The following SRSF7 variants were observed in gnomAD, a reference collection of about 807,000 sequenced individuals.
SRSF7 encodes serine and arginine rich splicing factor 7, also known as serine/arginine-rich splicing factor 7.
In SRSF7, 15 loss-of-function variants were observed where a neutral mutation model predicts 42.2. The ratio of observed to expected loss-of-function variants is 0.36; its 90% CI spans 0.24 to 0.55. The LOEUF (loss-of-function observed/expected upper bound fraction) is 0.55. Ranked by LOEUF, SRSF7 falls within the 20% of genes least tolerant of loss-of-function variation. The pLI is 0.88. For missense variants in SRSF7, 181 were observed against 305.9 expected, an observed-to-expected ratio of 0.59 and a Z score of 3.04; for synonymous variants, 138 against 107.9, an observed-to-expected ratio of 1.28 and a Z score of -1.73.
chr2:38,743,874 CCTAGG>C lies in SRSF7; in HGVS notation c.*1254_*1258del. 7 of 150,946 alleles carry C rather than the reference CCTAGG, an allele frequency of 4.6e-5. No individual in the cohort carries two copies. The highest frequency in any genetic ancestry group is 6.7e-5 in the Admixed American group (1 of 14,990). 9.4% of individuals were successfully genotyped at this position (150,946 alleles called of 1,614,324 possible). A position where few individuals can be genotyped will look rare whatever the true frequency, so the allele number is the denominator to read the frequency against. ...TGCTGAAATGCATAAAATGGACAAGCCTAGGTATCTGCGCAACCAGCAGGTTTTTT... is the reference window on the plus strand; with the variant it reads ...TGCTGAAATGCATAAAATGGACAAGCTATCTGCGCAACCAGCAGGTTTTTT... On this transcript the variant is annotated 3_prime_UTR_variant, in exon 8 of 8. Coordinates refer to ENST00000313117, the MANE Select transcript of SRSF7 (RefSeq NM_001031684.3).
intron 3 of SRSF7, chr2:38,748,960 G>GT: frequency 5.3e-6 from 7 of 1,309,746 alleles, no homozygotes; most frequent in South Asian, 1.5e-5. Context: ...CGATCTAGAA[G>GT]TATCTATAGC....
chr2:38,748,502 T>A (rs1572566164), intron 4 of SRSF7, 77 bp downstream of exon 4: 4 of 1,482,532 alleles, frequency 2.7e-6, no homozygotes, highest in East Asian at 2.3e-5. Flanking sequence ...CCAAAAAAAA[T>A]AATGAGCTTT....
At chr2:38,748,016 A>G (rs987190500) in intron 5 of SRSF7, 31 bp downstream of exon 5, 15 of 1,528,402 alleles carry the variant, frequency 9.8e-6, no homozygotes, top group African/African-American at 1.4e-5. Flanking sequence ...GAACAATCCA[A>G]ACACAAGTAA....
Position 38,751,318 on chromosome 2 carries a change from A to T in SRSF7, c.-62T>A. The T allele has an allele frequency of 6.2e-7, 1 of 1,611,450 alleles. No individual in the cohort carries two copies. Among genetic ancestry groups the T allele is most frequent in the East Asian group, 2.2e-5 (1 of 44,834 alleles). On this transcript the variant is annotated 5_prime_UTR_variant, in exon 1 of 8. Coordinates refer to ENST00000313117, the MANE Select transcript of SRSF7 (RefSeq NM_001031684.3). ...GCGCCCAGGGCTCGAGTGACGCAAAAGCTGACACACACCTTCACCCGCCAA... is the reference window on the plus strand; with the variant it reads ...GCGCCCAGGGCTCGAGTGACGCAAATGCTGACACACACCTTCACCCGCCAA...
At chr2:38,751,472 A>T (rs144185467), upstream of SRSF7, 326 of 612,972 alleles carry the variant, frequency 5.3e-4, 2 homozygotes, top group Non-Finnish European at 7.7e-4. Flanking sequence ...CCAAGAAACG[A>T]CGCGGAAGGA....
At chr2:38,747,797 G>C (rs1360404707) in intron 5 of SRSF7, among the ~76,000 whole-genome samples, 1 of 152,300 alleles carries the variant, frequency 6.6e-6, no homozygotes, top group South Asian at 2.1e-4. Flanking sequence ...CCTACCCAGA[G>C]TGTTGAGTAG....
intron 3 of SRSF7, chr2:38,748,978 T>C: frequency 6.2e-6 from 8 of 1,286,102 alleles, no homozygotes; most frequent in Non-Finnish European, 8.0e-6. Context: ...AGCCGATCGC[T>C]GCATCTAGAT....
In SRSF7 at chr2:38,751,319, G is replaced by A; in HGVS notation, c.-63C>T. ...CGCCCAGGGCTCGAGTGACGCAAAA[G>A]CTGACACACACCTTCACCCGCCAAG... On this transcript the variant is annotated 5_prime_UTR_variant, in exon 1 of 8. Transcript: ENST00000313117. The A allele has an allele frequency of 5.6e-6, 9 of 1,610,718 alleles. No individual in the cohort carries two copies. Among genetic ancestry groups the A allele is most frequent in the East Asian group, 4.5e-5 (2 of 44,852 alleles).
chr2:38,751,447 G>A (rs551693239), upstream of SRSF7: 349 of 730,506 alleles, frequency 4.8e-4, 1 homozygote, highest in Middle Eastern at 2.1e-3. Flanking sequence ...GCACAAAGGA[G>A]CTGGGCGGAA....
At chr2:38,749,422 G>A (rs1266755719) in intron 3 of SRSF7, 107 bp downstream of exon 3, 3 of 1,562,348 alleles carry the variant, frequency 1.9e-6, no homozygotes, top group Middle Eastern at 1.7e-4. Flanking sequence ...AAATACACCT[G>A]TACAATTAAC....
At chr2:38,749,041 G>T in intron 3 of SRSF7, 1 of 1,306,312 alleles carries the variant, frequency 7.7e-7, no homozygotes, top group Non-Finnish European at 1.0e-6. Context: ...GCCAGGTGAG[G>T]CTTGATTGAC....
At chr2:38,751,076 C>T (rs1668275548) in intron 1 of SRSF7, 153 bp downstream of exon 1, 1 of 980,638 alleles carries the variant, frequency 1.0e-6, no homozygotes, top group Admixed American at 1.9e-5. Flanking sequence ...CCTTCAGCAC[C>T]CCGCCTCCGC....
In SRSF7 at chr2:38,750,133, A is replaced by T; in HGVS notation, c.90T>A (p.Ala30=). 1 of 1,613,392 alleles carries T rather than the reference A, an allele frequency of 6.2e-7. No individual in the cohort carries two copies. Among genetic ancestry groups the T allele is most frequent in the Non-Finnish European group, 8.5e-7 (1 of 1,179,710 alleles). The change falls in exon 2 of 8, where the codon GCT becomes GCA. Residue 30 remains alanine (A), a synonymous_variant. Transcript: ENST00000313117. ...TTCTTAAAGGACCATAATAACTGAA[A>T]GCCCTTTCTAACTCTCCTTTGCCAG... ...TGAGKGELER[A]FSYYGPLRTV...
chr2:38,748,523 G>C, intron 4 of SRSF7, 56 bp downstream of exon 4: 3 of 1,541,008 alleles, frequency 1.9e-6, no homozygotes, highest in Non-Finnish European at 9.0e-7. Context: ...TTCTGTGTTG[G>C]ACTACCAGTG....
intron 5 of SRSF7, 170 bp from the exon 6 acceptor site, chr2:38,746,917 A>G (rs1667507900): frequency 8.9e-7 from 1 of 1,127,934 alleles, no homozygotes; most frequent in Non-Finnish European, 1.3e-6. Context: ...TACCAGACAT[A>G]AGGAACCCCC....
intron 1 of SRSF7, among the ~76,000 whole-genome samples, 172 bp from the exon 2 acceptor site, chr2:38,750,366 G>A (rs928957217): frequency 1.3e-5 from 2 of 152,026 alleles, no homozygotes; most frequent in African/African-American, 4.8e-5. Flanking sequence ...AAATCCCTGA[G>A]AAACTAGACT....
rs778619037 is a variant in SRSF7, at chr2:38,746,757, A to C, written c.573-10T>G. ...TGACCTCGACGGGGATCTTAATAAA[A>C]AAAGTGAAAAACACAATTATATCAA... On this transcript the variant is annotated splice_polypyrimidine_tract_variant and intron_variant, in intron 5 of 7. Coordinates refer to ENST00000313117, the MANE Select transcript of SRSF7 (RefSeq NM_001031684.3). The C allele has an allele frequency of 6.2e-7, 1 of 1,613,606 alleles. No homozygotes were observed. Among genetic ancestry groups the C allele is most frequent in the East Asian group, 2.2e-5 (1 of 44,876 alleles).
At chr2:38,748,826 G>T in intron 3 of SRSF7, 173 bp from the exon 4 acceptor site, 2 of 1,282,400 alleles carry the variant, frequency 1.6e-6, no homozygotes, top group Non-Finnish European at 1.0e-6. Context: ...CCTAAAAAAA[G>T]ATTTGTTAAA....
chr2:38,748,828 T>C, intron 3 of SRSF7, 175 bp from the exon 4 acceptor site: 3 of 1,300,878 alleles, frequency 2.3e-6, no homozygotes, highest in South Asian at 1.6e-5. Flanking sequence ...TAAAAAAAGA[T>C]TTGTTAAAAG....
Sources: gnomAD v4.1 joint callset for allele counts (sites outside exome capture counted in the v4.1 genomes callset) on GRCh38, gnomAD v4.1.1 for gene constraint, MANE v1.5 for transcripts, NCBI Gene and HGNC (gene_info 2026-07-23, HGNC 2026-07-21) for gene names.